PTGER3: variants seen among roughly 807,000 people sequenced by gnomAD.
PTGER3 encodes prostaglandin E receptor 3, also known as prostaglandin E2 receptor EP3 subtype.
PTGER3 carries 22 observed loss-of-function variants against 34.7 expected under a neutral mutation model. That is an observed-to-expected ratio of 0.63 (90% CI 0.45 to 0.91). PTGER3 has a LOEUF of 0.91. Among genes scored for constraint, PTGER3 ranks in the 40% least tolerant of loss-of-function variants. The pLI, the probability that PTGER3 is intolerant of heterozygous loss-of-function variation, is 0.00. For synonymous variants in PTGER3, 241 were observed against 230.1 expected, an observed-to-expected ratio of 1.05 and a Z score of -0.43; for missense variants, 468 against 519.4, an observed-to-expected ratio of 0.90 and a Z score of 0.96.
chr1:70,928,923 T>A (rs1648417407), intron 4 of PTGER3, among the ~76,000 whole-genome samples: 1 of 151,560 alleles, frequency 6.6e-6, no homozygotes, highest in South Asian at 2.1e-4. Flanking sequence ...TACATATATA[T>A]AAACACATAT....
chr1:70,979,531 T>C lies in PTGER3; in HGVS notation c.1078-5143A>G, dbSNP rs150617346. Among the ~76,000 whole-genome samples the C allele has an allele frequency of 1.4e-4, 21 of 152,256 alleles. No homozygotes were observed. In the East Asian group the frequency reaches 3.9e-3, roughly 28 times the overall value. ...TTATCTACTGTCATTATTTACTTGC[T>C]GGTCTTTTGGGTGTGAGCCATCATT... On this transcript the variant is annotated intron_variant, in intron 2 of 3. Transcript: ENST00000306666.
intron 2 of PTGER3, among the ~76,000 whole-genome samples, chr1:70,999,559 G>A (rs1489380977): frequency 6.6e-6 from 1 of 152,172 alleles, no homozygotes; most frequent in Non-Finnish European, 1.5e-5. Context: ...AAATTAAGCA[G>A]GGAGAGATGA....
At chr1:70,863,453 A>T (rs917901506) in intron 4 of PTGER3, among the ~76,000 whole-genome samples, 2 of 152,176 alleles carry the variant, frequency 1.3e-5, no homozygotes, top group Admixed American at 1.3e-4. Context: ...TGGTTAGAGG[A>T]TTCTACTGCA....
chr1:70,962,566 C>A (rs768877590), intron 2 of PTGER3, among the ~76,000 whole-genome samples: 1 of 152,158 alleles, frequency 6.6e-6, no homozygotes, highest in African/African-American at 2.4e-5. Context: ...GAATGAGGAG[C>A]AAAGTCATGT....
intron 1 of PTGER3, among the ~76,000 whole-genome samples, chr1:71,046,031 C>T (rs1438168764): frequency 1.3e-5 from 2 of 151,000 alleles, no homozygotes; most frequent in African/African-American, 4.9e-5. Context: ...CGGTGGCTCA[C>T]GCTTGTAATC....
At chr1:70,919,230 A>G (rs181048533) in intron 4 of PTGER3, among the ~76,000 whole-genome samples, 50 of 152,280 alleles carry the variant, frequency 3.3e-4, no homozygotes, top group African/African-American at 9.6e-4. Context: ...CAATCCAAAT[A>G]GACCCTGAGT....
At chr1:71,026,338 C>A (rs1189008265) in intron 1 of PTGER3, among the ~76,000 whole-genome samples, 1 of 152,138 alleles carries the variant, frequency 6.6e-6, no homozygotes, top group East Asian at 1.9e-4. Context: ...GGAAGCAACA[C>A]ATAGGTGGCA....
At chr1:71,007,208 G>A (rs986816756) in intron 2 of PTGER3, 2 of 985,620 alleles carry the variant, frequency 2.0e-6, no homozygotes, top group Non-Finnish European at 2.4e-6. Context: ...AATGATTTCA[G>A]CTCCTCCTAG....
At chr1:70,870,901 G>A (rs897070064) in intron 4 of PTGER3, among the ~76,000 whole-genome samples, 23 of 152,124 alleles carry the variant, frequency 1.5e-4, no homozygotes, top group African/African-American at 5.1e-4. Context: ...AAAAATTTGC[G>A]AAGTTTACCT....
chr1:70,928,321 A>G (rs1648331795), intron 4 of PTGER3, among the ~76,000 whole-genome samples: 2 of 151,768 alleles, frequency 1.3e-5, no homozygotes, highest in Non-Finnish European at 2.9e-5. Flanking sequence ...ACAAAAAAAA[A>G]AAGTGGGTTA....
At chr1:70,966,624 G>A (rs1652548973), downstream of PTGER3, among the ~76,000 whole-genome samples, 1 of 151,810 alleles carries the variant, frequency 6.6e-6, no homozygotes, top group Non-Finnish European at 1.5e-5. Flanking sequence ...AACAGGCCCT[G>A]GTGTGTGTTG....
intron 4 of PTGER3, among the ~76,000 whole-genome samples, chr1:70,861,788 C>T (rs189985817): frequency 2.0e-5 from 3 of 152,008 alleles, no homozygotes; most frequent in Admixed American, 2.0e-4. Context: ...ATAAAACTTA[C>T]TTGGTGTTTT....
intron 4 of PTGER3, among the ~76,000 whole-genome samples, chr1:70,910,994 C>T (rs182671050): frequency 3.0e-4 from 45 of 151,746 alleles, no homozygotes; most frequent in Admixed American, 2.3e-3. Flanking sequence ...GGAGGAGAAT[C>T]GCTTGAACCC....
intron 1 of PTGER3, among the ~76,000 whole-genome samples, chr1:71,017,403 T>A (rs1658003823): frequency 6.6e-6 from 1 of 152,106 alleles, no homozygotes; most frequent in South Asian, 2.1e-4. Flanking sequence ...TGTAGCACCT[T>A]TACTTTAGCC....
chr1:70,890,953 C>G (rs1646604052), intron 4 of PTGER3, among the ~76,000 whole-genome samples: 1 of 152,180 alleles, frequency 6.6e-6, no homozygotes, highest in African/African-American at 2.4e-5. Flanking sequence ...AATAAGCCCT[C>G]TTACTTTCTT....
intron 4 of PTGER3, among the ~76,000 whole-genome samples, chr1:70,857,166 G>A (rs1255039468): frequency 1.3e-5 from 2 of 152,168 alleles, no homozygotes; most frequent in Non-Finnish European, 2.9e-5. Flanking sequence ...TGTTCTTGAT[G>A]TTTTAAGATT....
intron 4 of PTGER3, among the ~76,000 whole-genome samples, chr1:70,901,255 A>G (rs1309836148): frequency 1.3e-5 from 2 of 152,162 alleles, no homozygotes; most frequent in African/African-American, 4.8e-5. Context: ...AGCTGTCCCT[A>G]AATTCGCAGA....
At chr1:71,025,165 T>TTCC (rs1553178212) in intron 1 of PTGER3, among the ~76,000 whole-genome samples, 65 of 79,634 alleles carry the variant, frequency 8.2e-4, no homozygotes, top group Middle Eastern at 5.5e-3. Context: ...TCCTTCCTTC[T>TTCC]TTCCTTCCTT....
chr1:70,974,375 G>A lies in PTGER3; in HGVS notation c.1091C>T (p.Thr364Ile). 1 of 1,055,928 alleles carries A rather than the reference G, an allele frequency of 9.5e-7. No individual in the cohort carries two copies. The allele number at this position is 1,055,928 out of a possible 1,614,324, so 65.4% of individuals were successfully genotyped here. A position where few individuals can be genotyped will look rare whatever the true frequency, so the allele number is the denominator to read the frequency against. The change falls in exon 3 of 4, where the codon ACA becomes ATA. Residue 364 changes from threonine (T) to isoleucine (I), a missense_variant. Transcript: ENST00000306666. ...GGTGGAGCTGGATGCATAGTTGTTT[G>A]TGTGGTACCTGATCTGTGAACAGAC... The part of the protein sequence containing the change: ...LRKFCQIRYH[T>I]NNYASSSTSL...
Sources: allele counts gnomAD v4.1 joint callset (sites outside exome capture counted in the v4.1 genomes callset), GRCh38; gene constraint gnomAD v4.1.1; transcripts MANE v1.5; gene names NCBI Gene and HGNC (gene_info 2026-07-23, HGNC 2026-07-21).